DAB2: variants seen among roughly 807,000 people sequenced by gnomAD.
DAB2 encodes DAB adaptor protein 2.
In DAB2, 28 loss-of-function variants were observed where a neutral mutation model predicts 71.6. The observed-to-expected ratio is 0.39, with a 90% CI of 0.29 to 0.54. The LOEUF is 0.54. DAB2 is among the 20% of genes least tolerant of loss of function. The pLI is 0.68. For synonymous variants in DAB2, 345 were observed against 339.7 expected (o/e 1.02, Z -0.17); for missense variants, 867 against 928.8 (o/e 0.93, Z 0.86).
intron 1 of DAB2, among the ~76,000 whole-genome samples, chr5:39,403,840 A>C (rs966576344): frequency 6.7e-6 from 1 of 148,794 alleles, no homozygotes; most frequent in Admixed American, 6.7e-5. Flanking sequence ...TGTTTTTTTT[A>C]ATAACTTGTT....
At position 39,389,016 on chromosome 5, in the gene DAB2, CGAGAGTGGTTG is replaced by C. The variant is rs1755162380; in HGVS notation, c.570+70_570+80del. The stretch of plus-strand genomic sequence containing the variant: ...AAACACATAGTAATAAGCGAGGTGG[CGAGAGTGGTTG>C]GGCAGGTAGAAAACAGGGGCTTACG... On this transcript the variant is annotated intron_variant, in intron 7 of 14. Coordinates refer to ENST00000320816, the MANE Select transcript of DAB2 (RefSeq NM_001343.4). The C allele has an allele frequency of 2.1e-6, 3 of 1,404,142 alleles. No individual in the cohort carries two copies. The East Asian group carries it at 6.9e-5, about 32-fold the overall frequency. The allele number at this position is 1,404,142 out of a possible 1,614,324, so 87.0% of individuals were successfully genotyped here.
chr5:39,402,167 A>G (rs753474954), intron 1 of DAB2, among the ~76,000 whole-genome samples: 54 of 152,054 alleles, frequency 3.6e-4, no homozygotes, highest in Non-Finnish European at 6.0e-4. Context: ...ATTACCTCCC[A>G]CCAGGTCCCT....
At chr5:39,403,386 A>G (rs1256928221) in intron 1 of DAB2, among the ~76,000 whole-genome samples, 1 of 152,190 alleles carries the variant, frequency 6.6e-6, no homozygotes, top group Non-Finnish European at 1.5e-5. Context: ...TACAAAGCCC[A>G]TTACATGGGG....
chr5:39,374,852 G>A (rs1028761424), intron 14 of DAB2, 162 bp downstream of exon 14: 7 of 619,790 alleles, frequency 1.1e-5, no homozygotes, highest in Non-Finnish European at 2.0e-5. Flanking sequence ...GCCCAGCCTA[G>A]TCATTATTGA....
At chr5:39,419,289 G>A (rs1755919172) in intron 1 of DAB2, among the ~76,000 whole-genome samples, 1 of 152,092 alleles carries the variant, frequency 6.6e-6, no homozygotes. Context: ...CTGCTCACTG[G>A]GAGATTTTCC....
chr5:39,412,378 C>T (rs74902680), intron 1 of DAB2, among the ~76,000 whole-genome samples: 3,901 of 152,202 alleles, frequency 0.026, 78 homozygotes, highest in Non-Finnish European at 0.037. Context: ...CCAAGTTTGC[C>T]CCTGAATTCC....
At chr5:39,386,686 G>T (rs747381331) in intron 9 of DAB2, among the ~76,000 whole-genome samples, 2 of 152,136 alleles carry the variant, frequency 1.3e-5, no homozygotes, top group African/African-American at 2.4e-5. Flanking sequence ...GAACATTCTA[G>T]AAGTCTACAG....
intron 1 of DAB2, among the ~76,000 whole-genome samples, chr5:39,402,188 A>C (rs573369394): frequency 6.6e-6 from 1 of 152,242 alleles, no homozygotes; most frequent in East Asian, 1.9e-4. Flanking sequence ...CCCACAATAC[A>C]TGGGAATTAT....
intron 11 of DAB2, among the ~76,000 whole-genome samples, chr5:39,380,686 C>T (rs1040732432): frequency 1.3e-5 from 2 of 152,210 alleles, no homozygotes; most frequent in African/African-American, 4.8e-5. Flanking sequence ...CACTGTCCTA[C>T]CACAGAGTGA....
intron 4 of DAB2, among the ~76,000 whole-genome samples, chr5:39,391,739 A>G (rs1279733803): frequency 6.6e-6 from 1 of 152,150 alleles, no homozygotes; most frequent in Non-Finnish European, 1.5e-5. Context: ...CTTAAAAACA[A>G]GGCAAAATAA....
intron 1 of DAB2, among the ~76,000 whole-genome samples, chr5:39,397,977 A>G (rs1423682169): frequency 2.6e-5 from 4 of 152,214 alleles, no homozygotes; most frequent in African/African-American, 9.7e-5. Context: ...TGTTGAGTTC[A>G]TCAATGCATG....
intron 11 of DAB2, among the ~76,000 whole-genome samples, chr5:39,380,432 G>T (rs969342665): frequency 2.6e-5 from 4 of 152,236 alleles, no homozygotes; most frequent in Non-Finnish European, 4.4e-5. Flanking sequence ...GGCAGAGAAA[G>T]CCAGGATCCC....
At chr5:39,374,653 A>G (rs1754778229) in intron 14 of DAB2, 1 of 214,428 alleles carries the variant, frequency 4.7e-6, no homozygotes, top group Admixed American at 6.2e-5. Context: ...TAGGAAACCA[A>G]ATTATTACTA....
In DAB2 at chr5:39,392,477, A is replaced by T; in HGVS notation, c.232-14T>A. ...TGCCGCCATTCCCTGATGAGGGTGGAAAAACAAGAGAAGTTGAATTTTTAA... is the reference window on the plus strand; with the variant it reads ...TGCCGCCATTCCCTGATGAGGGTGGTAAAACAAGAGAAGTTGAATTTTTAA... On this transcript the variant is annotated splice_polypyrimidine_tract_variant and intron_variant, in intron 3 of 14. Coordinates refer to ENST00000320816, the MANE Select transcript of DAB2 (RefSeq NM_001343.4). 1 of 1,588,578 alleles carries T rather than the reference A, an allele frequency of 6.3e-7. No individual in the cohort carries two copies. Among genetic ancestry groups the T allele is most frequent in the Non-Finnish European group, 8.6e-7 (1 of 1,157,222 alleles).
intron 1 of DAB2, among the ~76,000 whole-genome samples, chr5:39,399,404 T>C (rs996316542): frequency 3.3e-5 from 5 of 152,184 alleles, no homozygotes; most frequent in South Asian, 2.1e-4. Flanking sequence ...CATTAGAAGA[T>C]TGAAAAGAGA....
rs753805579 is a variant in DAB2 at position 39,419,020 on chromosome 5, T to TCTA, written c.-102+5781_-102+5783dup. 2.0e-5 allele frequency among the ~76,000 whole-genome samples: 3 copies of TCTA among 152,296 alleles called. No homozygotes were observed. In the South Asian group the frequency reaches 6.2e-4, roughly 32 times the overall value. On this transcript the variant is annotated intron_variant, in intron 1 of 14. Transcript: ENST00000320816. ...TAGAACCCAAGCTCTTAACCATGAA[T>TCTA]CTATGTTGGCTTTTCAAAATCAGAG... is the stretch of plus-strand genomic sequence containing the variant.
chr5:39,421,308 G>C lies in DAB2; in HGVS notation c.-102+3496C>G, dbSNP rs28504553. Among the ~76,000 whole-genome samples the C allele has an allele frequency of 4.7e-3, 717 of 152,196 alleles. 3 individuals carry two copies. The highest frequency in any genetic ancestry group is 0.016 in the African/African-American group (672 of 41,542). ...AAAGACACTTAATTCAGTTGTTCAG[G>C]GGGGAGTAATAACAAACAAACAAAA... On this transcript the variant is annotated intron_variant, in intron 1 of 14. Coordinates refer to ENST00000320816, the MANE Select transcript of DAB2 (RefSeq NM_001343.4).
intron 1 of DAB2, among the ~76,000 whole-genome samples, chr5:39,413,660 C>A (rs1755781126): frequency 6.6e-6 from 1 of 152,038 alleles, no homozygotes. Flanking sequence ...TCTGGAAAGA[C>A]CAGTGCCAAG....
chr5:39,392,874 C>A (rs62358407), intron 3 of DAB2, among the ~76,000 whole-genome samples: 4,027 of 152,296 alleles, frequency 0.026, 84 homozygotes, highest in South Asian at 0.086. Context: ...GTAGAATCCT[C>A]AATTTTATCA....
Sources: gnomAD v4.1 joint callset for allele counts (sites outside exome capture counted in the v4.1 genomes callset) on GRCh38, gnomAD v4.1.1 for gene constraint, MANE v1.5 for transcripts, NCBI Gene and HGNC (gene_info 2026-07-23, HGNC 2026-07-21) for gene names.